OSBPL8: variants seen among roughly 807,000 people sequenced by gnomAD.
OSBPL8 encodes the protein oxysterol-binding protein-related protein 8.
OSBPL8 carries 59 observed loss-of-function variants against 125.5 expected under a neutral mutation model. The ratio of observed to expected loss-of-function variants is 0.47; its 90% CI spans 0.38 to 0.58. OSBPL8 has a LOEUF of 0.58. Among genes scored for constraint, OSBPL8 ranks in the 20% least tolerant of loss-of-function variants. The probability of loss-of-function intolerance (pLI) is 0.00; values close to 1 mark genes in which losing one functional copy is unlikely to be tolerated. For missense variants in OSBPL8, 758 were observed against 1,047.8 expected, an observed-to-expected ratio of 0.72 and a Z score of 3.82; for synonymous variants, 330 against 338.9, an observed-to-expected ratio of 0.97 and a Z score of 0.29.
At chr12:76,366,112 G>C (rs538880512) in intron 21 of OSBPL8, among the ~76,000 whole-genome samples, 1 of 152,308 alleles carries the variant, frequency 6.6e-6, no homozygotes, top group East Asian at 1.9e-4. Context: ...AATAAGTTAG[G>C]AAATGTTCCC....
chr12:76,548,481 C>T (rs1344296098), intron 1 of OSBPL8, among the ~76,000 whole-genome samples: 1 of 152,160 alleles, frequency 6.6e-6, no homozygotes, highest in Non-Finnish European at 1.5e-5. Flanking sequence ...CTCCCATCCC[C>T]TATTTCCAAG....
At chr12:76,519,322 C>T (rs1176973324) in intron 1 of OSBPL8, among the ~76,000 whole-genome samples, 1 of 152,200 alleles carries the variant, frequency 6.6e-6, no homozygotes, top group African/African-American at 2.4e-5. Context: ...CAGTCCCCAA[C>T]AAGTTCCTCA....
intron 1 of OSBPL8, among the ~76,000 whole-genome samples, chr12:76,521,844 CA>C (rs1465794771): frequency 1.3e-5 from 2 of 151,962 alleles, no homozygotes; most frequent in Admixed American, 6.6e-5. Flanking sequence ...TTCAATTCTG[CA>C]AGACGAAGAG....
At chr12:76,526,638 T>C (rs1950183966) in intron 1 of OSBPL8, among the ~76,000 whole-genome samples, 4 of 37,382 alleles carry the variant, frequency 1.1e-4, no homozygotes, top group African/African-American at 4.1e-4. Flanking sequence ...TAAATCTCTT[T>C]TTTTTTTTTT....
intron 1 of OSBPL8, among the ~76,000 whole-genome samples, chr12:76,512,481 G>C (rs1881101485): frequency 6.6e-6 from 1 of 152,116 alleles, no homozygotes; most frequent in Non-Finnish European, 1.5e-5. Flanking sequence ...CTTTGTCAAA[G>C]ACCAGATGGT....
chr12:76,483,440 T>C (rs1004505579), intron 2 of OSBPL8, among the ~76,000 whole-genome samples: 4 of 149,584 alleles, frequency 2.7e-5, no homozygotes, highest in African/African-American at 9.8e-5. Flanking sequence ...GGCGTGCACC[T>C]GTAATCCCAG....
At chr12:76,420,671 C>T (rs1264767694) in intron 4 of OSBPL8, among the ~76,000 whole-genome samples, 1 of 151,974 alleles carries the variant, frequency 6.6e-6, no homozygotes, top group Non-Finnish European at 1.5e-5. Flanking sequence ...ATCTTTCCTT[C>T]TCTAGTTTTG....
intron 21 of OSBPL8, among the ~76,000 whole-genome samples, chr12:76,366,946 C>T (rs11613518): frequency 4.6e-5 from 7 of 152,018 alleles, no homozygotes; most frequent in East Asian, 1.9e-4. Flanking sequence ...TACTGAGACA[C>T]GTCATATGGC....
chr12:76,408,344 C>G (rs1408484151), intron 5 of OSBPL8, among the ~76,000 whole-genome samples: 1 of 150,974 alleles, frequency 6.6e-6, no homozygotes, highest in South Asian at 2.1e-4. Flanking sequence ...CGCCTGTAGT[C>G]CCAGCTACTC....
At chr12:76,482,860 A>G (rs1658232583) in intron 2 of OSBPL8, among the ~76,000 whole-genome samples, 1 of 152,254 alleles carries the variant, frequency 6.6e-6, no homozygotes, top group Non-Finnish European at 1.5e-5. Context: ...ATAGAAAGAT[A>G]GATTTAATCT....
chr12:76,407,895 T>C (rs962215439), intron 5 of OSBPL8, among the ~76,000 whole-genome samples: 2 of 151,812 alleles, frequency 1.3e-5, no homozygotes, highest in African/African-American at 2.4e-5. Flanking sequence ...CTATTTTGAG[T>C]CTTGGGGAAT....
intron 5 of OSBPL8, among the ~76,000 whole-genome samples, chr12:76,403,805 T>C (rs1344870871): frequency 6.6e-6 from 1 of 152,174 alleles, no homozygotes; most frequent in East Asian, 1.9e-4. Flanking sequence ...ATACACACCT[T>C]TGTATACAAC....
Position 76,450,916 on chromosome 12 carries a change from G to A in OSBPL8, c.152C>T (p.Ala51Val), listed in dbSNP as rs1019475721. Residue 51 changes from alanine to valine, a missense_variant, in exon 4 of 24, where the codon GCT (alanine) becomes GTT (valine). Ala to Val is a moderately conservative substitution (Grantham distance 64). Transcript: ENST00000261183. ...CAAATCTTTGGTTGGCGTTGGATAAGCTTCTTTTCCTTGGCGCTGACTCAT... is the reference window on the plus strand; with the variant it reads ...CAAATCTTTGGTTGGCGTTGGATAAACTTCTTTTCCTTGGCGCTGACTCAT... ...GKMSQRQGKE[A>V]YPTPTKDLHQ... 6.2e-7 allele frequency: 1 copy of A among 1,614,054 alleles called. No individual in the cohort carries two copies. Among genetic ancestry groups the A allele is most frequent in the East Asian group, 2.2e-5 (1 of 44,862 alleles).
Position 76,539,628 on chromosome 12 carries a change from T to G in OSBPL8, c.-68+19769A>C, listed in dbSNP as rs187818226. On this transcript the variant is annotated intron_variant, in intron 1 of 23. Transcript: ENST00000261183. ...AAAATGAACACCTTTACCCAAACACTCTTCAAAGACTGCTTTTCCCTCCTA... is the reference window on the plus strand; with the variant it reads ...AAAATGAACACCTTTACCCAAACACGCTTCAAAGACTGCTTTTCCCTCCTA... 1.4e-3 allele frequency among the ~76,000 whole-genome samples: 207 copies of G among 152,310 alleles called. 1 individual carries two copies. The highest frequency in any genetic ancestry group is 2.4e-3 in the Admixed American group (36 of 15,292).
intron 1 of OSBPL8, among the ~76,000 whole-genome samples, chr12:76,518,888 C>T (rs1881806494): frequency 6.6e-6 from 1 of 152,218 alleles, no homozygotes; most frequent in Non-Finnish European, 1.5e-5. Flanking sequence ...CCTTCCAGGC[C>T]TCTGGGCCTG....
rs771946588 is a variant in OSBPL8, at chr12:76,355,963, G to C, written c.2596C>G (p.Leu866Val). Residue 866 changes from leucine (L) to valine (V), a missense_variant, in exon 24 of 24, where the codon CTG becomes GTG. This residue lies in a region of OSBPL8 where 572 missense variants were observed against 762.0 expected (regional missense o/e 0.75). Coordinates refer to ENST00000261183, the MANE Select transcript of OSBPL8 (RefSeq NM_020841.5). ...VSSTPATDYF[L>V]QQKDYFIIFL... ...ATGATGAAGTAGTCTTTTTGTTGCA[G>C]AAAATAATCCGTGGCCGGTGTGCTT... 4 of 1,613,362 alleles carry C rather than the reference G, an allele frequency of 2.5e-6. No homozygotes were observed. In the South Asian group the frequency reaches 4.4e-5, roughly 18 times the overall value.
At chr12:76,545,579 T>C (rs528472184) in intron 1 of OSBPL8, among the ~76,000 whole-genome samples, 1 of 152,292 alleles carries the variant, frequency 6.6e-6, no homozygotes, top group South Asian at 2.1e-4. Flanking sequence ...AATTTATTCA[T>C]ATTTCAATAC....
chr12:76,470,185 A>T (rs1875960589), intron 2 of OSBPL8, among the ~76,000 whole-genome samples: 1 of 152,196 alleles, frequency 6.6e-6, no homozygotes. Context: ...TATGATTTTC[A>T]CTTGTAACTA....
chr12:76,487,257 C>T (rs1878249664), intron 2 of OSBPL8, among the ~76,000 whole-genome samples: 1 of 151,988 alleles, frequency 6.6e-6, no homozygotes, highest in Admixed American at 6.6e-5. Flanking sequence ...TCTTGAACTC[C>T]TGAGCTCAGG....
Sources: gnomAD v4.1 joint callset for allele counts (sites outside exome capture counted in the v4.1 genomes callset) on GRCh38, gnomAD v4.1.1 for gene constraint, gnomAD v4.1.1 regional missense constraint, MANE v1.5 for transcripts, NCBI Gene and HGNC (gene_info 2026-07-23, HGNC 2026-07-21) for gene names.